Variants in BMP6 observed in about 807,000 individuals in gnomAD.
BMP6 encodes the protein VG-1-R.
BMP6 carries 17 observed loss-of-function variants against 54.1 expected under a neutral mutation model. That is an observed-to-expected ratio of 0.31 (90% confidence interval 0.22 to 0.47). BMP6 has a LOEUF of 0.47. Ranked by LOEUF, BMP6 falls within the 20% of genes least tolerant of loss-of-function variation. BMP6 has a pLI of 1.00. For synonymous variants in BMP6, 328 were observed against 291.2 expected, an observed-to-expected ratio of 1.13 and a Z score of -1.28; for missense variants, 720 against 690.4, an observed-to-expected ratio of 1.04 and a Z score of -0.48.
chr6:7,748,368 C>T (rs1757375167), intron 1 of BMP6, among the ~76,000 whole-genome samples: 1 of 152,140 alleles, frequency 6.6e-6, no homozygotes, highest in Non-Finnish European at 1.5e-5. Flanking sequence ...TTAAAAAGAT[C>T]TTCCTGTTCC....
chr6:7,760,394 C>T (rs939657600), intron 1 of BMP6, among the ~76,000 whole-genome samples: 10 of 152,146 alleles, frequency 6.6e-5, no homozygotes, highest in African/African-American at 2.2e-4. Flanking sequence ...CGTCTTTCCA[C>T]CTTGACTTTG....
At chr6:7,841,429 A>G (rs150847254) in intron 1 of BMP6, among the ~76,000 whole-genome samples, 8 of 152,362 alleles carry the variant, frequency 5.3e-5, no homozygotes, top group African/African-American at 1.9e-4. Flanking sequence ...TGCTGCGCTC[A>G]TTGGAAACAT....
intron 1 of BMP6, among the ~76,000 whole-genome samples, chr6:7,834,799 G>A (rs1758848362): frequency 6.6e-6 from 1 of 152,174 alleles, no homozygotes; most frequent in African/African-American, 2.4e-5. Flanking sequence ...TCCAGAGATC[G>A]GGAGATAAAT....
chr6:7,822,897 T>TGGG (rs915176611), intron 1 of BMP6, among the ~76,000 whole-genome samples: 3 of 121,354 alleles, frequency 2.5e-5, no homozygotes, highest in African/African-American at 9.4e-5. Flanking sequence ...TTGGTGCTGG[T>TGGG]TGTGTGTGTG....
chr6:7,822,215 T>A (rs879677147), intron 1 of BMP6, among the ~76,000 whole-genome samples: 5 of 152,208 alleles, frequency 3.3e-5, no homozygotes, highest in Admixed American at 3.3e-4. Context: ...AGATGGAGTT[T>A]CACCATGTCG....
intron 1 of BMP6, among the ~76,000 whole-genome samples, chr6:7,757,905 G>C (rs73379791): frequency 6.6e-6 from 1 of 152,028 alleles, no homozygotes; most frequent in Non-Finnish European, 1.5e-5. Flanking sequence ...AATGCCCTTC[G>C]TAGCTTCAGT....
intron 1 of BMP6, among the ~76,000 whole-genome samples, chr6:7,767,105 G>C (rs1757704921): frequency 6.6e-6 from 1 of 151,582 alleles, no homozygotes; most frequent in African/African-American, 2.4e-5. Context: ...TCCTGCCTCA[G>C]CTCTCCGAGT....
chr6:7,860,739 C>A (rs1211806197), intron 2 of BMP6, among the ~76,000 whole-genome samples: 8 of 152,130 alleles, frequency 5.3e-5, no homozygotes, highest in Non-Finnish European at 7.3e-5. Context: ...CACTGCAGAC[C>A]ATTCAGAGGC....
intron 1 of BMP6, among the ~76,000 whole-genome samples, chr6:7,729,778 G>A (rs1159114865): frequency 6.6e-6 from 1 of 152,180 alleles, no homozygotes; most frequent in Non-Finnish European, 1.5e-5. Flanking sequence ...GGTGTTACGT[G>A]GGAGGTAGGG....
At chr6:7,748,931 G>C (rs1009605607) in intron 1 of BMP6, among the ~76,000 whole-genome samples, 22 of 152,142 alleles carry the variant, frequency 1.4e-4, no homozygotes, top group African/African-American at 5.3e-4. Context: ...ATCTGTCAAA[G>C]CAAAAAATCG....
intron 4 of BMP6, among the ~76,000 whole-genome samples, chr6:7,867,565 A>G (rs1175821220): frequency 3.3e-5 from 5 of 152,242 alleles, no homozygotes; most frequent in Non-Finnish European, 7.3e-5. Flanking sequence ...CTTGGGAAGA[A>G]TAGACACAGG....
chr6:7,835,541 T>G (rs1271150896), intron 1 of BMP6, among the ~76,000 whole-genome samples: 1 of 152,242 alleles, frequency 6.6e-6, no homozygotes, highest in Non-Finnish European at 1.5e-5. Context: ...CTATCTGTGT[T>G]TTGACTGGAG....
At chr6:7,843,349 GTACCTATAGA>G (rs1169989024) in intron 1 of BMP6, among the ~76,000 whole-genome samples, 3 of 150,916 alleles carry the variant, frequency 2.0e-5, no homozygotes, top group Non-Finnish European at 2.9e-5. Context: ...AAAAAATCTT[GTACCTATAGA>G]TGGCTTAACT....
At chr6:7,859,231 T>A (rs923459418) in intron 2 of BMP6, among the ~76,000 whole-genome samples, 2 of 152,190 alleles carry the variant, frequency 1.3e-5, no homozygotes, top group African/African-American at 4.8e-5. Context: ...CCCCACATTC[T>A]CTTGGACGAG....
At chr6:7,872,290 G>A (rs1581291504) in intron 4 of BMP6, among the ~76,000 whole-genome samples, 2 of 126,082 alleles carry the variant, frequency 1.6e-5, no homozygotes, top group South Asian at 5.0e-4. Context: ...CTGTCAATCT[G>A]TTTAAAAAAA....
intron 1 of BMP6, among the ~76,000 whole-genome samples, chr6:7,787,266 AAT>A (rs1476736300): frequency 6.6e-6 from 1 of 152,220 alleles, no homozygotes; most frequent in Non-Finnish European, 1.5e-5. Flanking sequence ...TGTACTGAAA[AAT>A]ATGCGTGAAC....
At chr6:7,729,959 G>C (rs1264495634) in intron 1 of BMP6, among the ~76,000 whole-genome samples, 1 of 152,212 alleles carries the variant, frequency 6.6e-6, no homozygotes, top group East Asian at 1.9e-4. Flanking sequence ...CCCTGCCTCA[G>C]CCTCCTGAGT....
At chr6:7,781,054 C>T (rs1452659302) in intron 1 of BMP6, among the ~76,000 whole-genome samples, 2 of 152,186 alleles carry the variant, frequency 1.3e-5, no homozygotes, top group African/African-American at 4.8e-5. Context: ...ACTTCCTAGT[C>T]CACACAGTAC....
intron 4 of BMP6, among the ~76,000 whole-genome samples, chr6:7,872,881 G>T (rs1759552165): frequency 6.8e-6 from 1 of 147,070 alleles, no homozygotes. Flanking sequence ...GGCATAATCA[G>T]GGCTCATTGC....
Sources: gnomAD v4.1 joint callset for allele counts (sites outside exome capture counted in the v4.1 genomes callset) on GRCh38, gnomAD v4.1.1 for gene constraint, MANE v1.5 for transcripts, NCBI Gene and HGNC (gene_info 2026-07-23, HGNC 2026-07-21) for gene names.